Variants in ST13 observed in about 807,000 individuals in gnomAD.
The protein encoded by ST13 is hsc70-interacting protein.
A neutral mutation model predicts 56.7 loss-of-function variants in ST13; 23 were observed. The observed-to-expected ratio is 0.41, with a 90% CI of 0.29 to 0.57. ST13 has a LOEUF of 0.57. ST13 is among the 20% of genes least tolerant of loss of function. The probability of loss-of-function intolerance (pLI) is 0.36; values close to 1 mark genes in which losing one functional copy is unlikely to be tolerated. For synonymous variants in ST13, 132 were observed against 142.4 expected (o/e 0.93, Z 0.52); for missense variants, 369 against 459.9 (o/e 0.80, Z 1.81).
chr22:40,840,531 C>A (rs1295778499), intron 5 of ST13, 95 bp downstream of exon 5: 2 of 1,056,138 alleles, frequency 1.9e-6, no homozygotes, highest in African/African-American at 1.6e-5. Flanking sequence ...CAGTATAGGA[C>A]AGGTACATGT....
At chr22:40,855,966 A>G (rs763720743) in intron 1 of ST13, among the ~76,000 whole-genome samples, 8 of 152,016 alleles carry the variant, frequency 5.3e-5, no homozygotes, top group Non-Finnish European at 1.0e-4. Context: ...TACAGTTATC[A>G]TTTTTATTCT....
Position 40,844,929 on chromosome 22 carries a change from G to A in ST13, c.245-20C>T, listed in dbSNP as rs569504193. 4.1e-5 allele frequency: 66 copies of A among 1,595,106 alleles called. No individual in the cohort carries two copies. The highest frequency in any genetic ancestry group is 5.4e-5 in the Non-Finnish European group (63 of 1,165,808). On this transcript the variant is annotated intron_variant, in intron 3 of 11. Transcript: ENST00000216218. ...CAATTTCTGCCAAAGTCGAGAAAATGACAATAAGACCTGCACCGTACAATA... is the reference window on the plus strand; with the variant it reads ...CAATTTCTGCCAAAGTCGAGAAAATAACAATAAGACCTGCACCGTACAATA...
chr22:40,831,829 CA>C (rs1447011739), intron 8 of ST13, among the ~76,000 whole-genome samples: 2 of 152,026 alleles, frequency 1.3e-5, no homozygotes, highest in Non-Finnish European at 2.9e-5. Flanking sequence ...TTTTGGGATT[CA>C]ATATTATTAT....
At chr22:40,836,979 C>A (rs1224134396) in intron 5 of ST13, among the ~76,000 whole-genome samples, 9 of 152,070 alleles carry the variant, frequency 5.9e-5, no homozygotes, top group Non-Finnish European at 1.3e-4. Flanking sequence ...CTAAACCTGG[C>A]TAATTAAAAA....
chr22:40,837,460 A>G (rs1310493747), intron 5 of ST13, among the ~76,000 whole-genome samples: 1 of 152,148 alleles, frequency 6.6e-6, no homozygotes, highest in Non-Finnish European at 1.5e-5. Context: ...CAGCCTGACC[A>G]ACGTGGAGAA....
chr22:40,835,663 C>T lies in ST13; in HGVS notation c.475G>A (p.Val159Ile), dbSNP rs761165686. 32 of 1,613,370 alleles carry T rather than the reference C, an allele frequency of 2.0e-5. No homozygotes were observed. In the African/African-American group the frequency reaches 2.9e-4, roughly 15 times the overall value. ...ILYAKRASVF[V>I]KLQKPNAAIR... The stretch of plus-strand genomic sequence containing the variant: ...GCAGCATTTGGCTTCTGTAATTTGA[C>T]GAAGACACTGAAAAATAAGTGTGTT... Residue 159 changes from valine to isoleucine, a missense_variant, in exon 7 of 12, where the codon GTC becomes ATC. Val to Ile is a conservative substitution (Grantham distance 29). Coordinates refer to ENST00000216218, the MANE Select transcript of ST13 (RefSeq NM_003932.5).
At chr22:40,856,195 A>G (rs1247213856) in intron 1 of ST13, among the ~76,000 whole-genome samples, 1 of 152,040 alleles carries the variant, frequency 6.6e-6, no homozygotes, top group Admixed American at 6.6e-5. Context: ...TTCGCCCAAG[A>G]TACACCCCTG....
At chr22:40,856,337 C>A in intron 1 of ST13, 94 bp downstream of exon 1, 1 of 1,119,344 alleles carries the variant, frequency 8.9e-7, no homozygotes. Context: ...GGCAGCGACC[C>A]CGCCTCGCCC....
intron 7 of ST13, 106 bp from the exon 8 acceptor site, chr22:40,832,777 G>C: frequency 1.2e-6 from 1 of 814,470 alleles, no homozygotes; most frequent in East Asian, 2.7e-5. Flanking sequence ...ACAGGCTTAA[G>C]TTAAATATTA....
intron 5 of ST13, among the ~76,000 whole-genome samples, chr22:40,837,040 T>G (rs549751800): frequency 6.6e-6 from 1 of 152,334 alleles, no homozygotes; most frequent in East Asian, 1.9e-4. Flanking sequence ...GCTCTCGAAC[T>G]CCTGGGCTCC....
intron 1 of ST13, 144 bp downstream of exon 1, chr22:40,856,287 T>G: frequency 1.4e-6 from 1 of 704,422 alleles, no homozygotes; most frequent in East Asian, 2.6e-5. Flanking sequence ...CGATCTTCCA[T>G]GACCCCTCGA....
chr22:40,831,883 G>A (rs1328764043), intron 8 of ST13, among the ~76,000 whole-genome samples: 6 of 151,936 alleles, frequency 3.9e-5, no homozygotes, highest in Non-Finnish European at 7.4e-5. Flanking sequence ...AGACAGCCTC[G>A]CTCTGTCACC....
chr22:40,841,070 A>C (rs1351154404), intron 4 of ST13, among the ~76,000 whole-genome samples: 2 of 152,142 alleles, frequency 1.3e-5, no homozygotes, highest in Non-Finnish European at 2.9e-5. Flanking sequence ...TTGTTCCCAC[A>C]AACAACTATT....
At chr22:40,839,194 G>A (rs548720436) in intron 5 of ST13, among the ~76,000 whole-genome samples, 2 of 152,266 alleles carry the variant, frequency 1.3e-5, no homozygotes, top group East Asian at 3.9e-4. Flanking sequence ...GTTTTAAGGA[G>A]CTAAATTAAT....
rs2057750571 is a variant in ST13, at chr22:40,830,831, G to C, written c.798+9C>G. The C allele has an allele frequency of 6.3e-7, 1 of 1,580,380 alleles. No homozygotes were observed. Among genetic ancestry groups the C allele is most frequent in the Non-Finnish European group, 8.6e-7 (1 of 1,159,658 alleles). On this transcript the variant is annotated intron_variant, in intron 9 of 11. Transcript: ENST00000216218. ...TTTTCCTTTCATGGCTTAGCTATAGGAAATTTACCCTCTGGGCTCTCTCAT... is the reference window on the plus strand; with the variant it reads ...TTTTCCTTTCATGGCTTAGCTATAGCAAATTTACCCTCTGGGCTCTCTCAT...
rs368845396 is a variant in ST13 at position 40,827,177 on chromosome 22, C to T, written c.900G>A (p.Met300Ile). ...PGNFPGGMPG[M>I]GGGMPGMAGM... ...CAGCCATTCCAGGCATGCCCCCTCC[C>T]ATTCCAGGCATTCCTCCGGGAAAAT... is the stretch of plus-strand genomic sequence containing the variant. The change falls in exon 11 of 12, where the codon ATG (methionine) becomes ATA (isoleucine). Residue 300 changes from methionine (M) to isoleucine (I), a missense_variant. Transcript: ENST00000216218. 2.5e-6 allele frequency: 4 copies of T among 1,613,024 alleles called. No homozygotes were observed. The African/African-American group carries it at 5.3e-5, about 22-fold the overall frequency.
Position 40,856,442 on chromosome 22 carries a change from C to G in ST13, c.99G>C (p.Glu33Asp), listed in dbSNP as rs751417263. 6 of 1,613,462 alleles carry G rather than the reference C, an allele frequency of 3.7e-6. No individual in the cohort carries two copies. Among genetic ancestry groups the G allele is most frequent in the Admixed American group, 1.7e-5 (1 of 60,000 alleles). ...GGCCTGGGTCTCACCTCTCCACCCACTCCCTCAGGAAGCGCATTTCCTCGG... is the reference window on the plus strand; with the variant it reads ...GGCCTGGGTCTCACCTCTCCACCCAGTCCCTCAGGAAGCGCATTTCCTCGG... ...LHTEEMRFLR[E>D]WVESMGGKVP... The change falls in exon 1 of 12, where the codon GAG (glutamate) becomes GAC (aspartate). Residue 33 changes from glutamate to aspartate, a missense_variant. Glu to Asp is a conservative substitution (Grantham distance 45, BLOSUM62 2). Around this residue, in one of 3 missense-constraint regions of ST13, gnomAD observed 169 missense variants for 175.6 expected, o/e 0.96. Transcript: ENST00000216218.
intron 1 of ST13, among the ~76,000 whole-genome samples, chr22:40,852,419 G>T (rs894541874): frequency 6.6e-6 from 1 of 152,138 alleles, no homozygotes; most frequent in Non-Finnish European, 1.5e-5. Context: ...TTCTGCATAT[G>T]AACCCTTTGT....
chr22:40,848,987 A>G (rs1188160516), intron 2 of ST13, among the ~76,000 whole-genome samples: 1 of 152,206 alleles, frequency 6.6e-6, no homozygotes, highest in Admixed American at 6.5e-5. Context: ...TTCCCATCCT[A>G]TAAATAACCA....
Sources: gnomAD v4.1 joint callset for allele counts (sites outside exome capture counted in the v4.1 genomes callset) on GRCh38, gnomAD v4.1.1 for gene constraint, gnomAD v4.1.1 regional missense constraint, MANE v1.5 for transcripts, NCBI Gene and HGNC (gene_info 2026-07-23, HGNC 2026-07-21) for gene names.